AKAP7: variants seen among roughly 807,000 people sequenced by gnomAD.
The protein encoded by AKAP7 is A kinase (PRKA) anchor protein 7.
In AKAP7, 39 loss-of-function variants were observed where a neutral mutation model predicts 39.5. That is an observed-to-expected ratio of 0.99 (90% CI 0.76 to 1.29). The LOEUF is 1.29. Ranked by LOEUF, AKAP7 falls within the 50% of genes most tolerant of loss-of-function variation. The pLI is 0.00. For synonymous variants in AKAP7, 140 were observed against 139.1 expected (o/e 1.01, Z -0.05); for missense variants, 414 against 407.7 (o/e 1.02, Z -0.13).
intron 5 of AKAP7, among the ~76,000 whole-genome samples, chr6:131,170,992 G>A (rs1055722059): frequency 3.3e-5 from 5 of 152,120 alleles, no homozygotes; most frequent in Admixed American, 3.3e-4. Flanking sequence ...CACTATTGCT[G>A]TTATTAGTGA....
chr6:131,264,784 G>T (rs1813646299), intron 7 of AKAP7, among the ~76,000 whole-genome samples: 1 of 152,168 alleles, frequency 6.6e-6, no homozygotes, highest in African/African-American at 2.4e-5. Flanking sequence ...TCTGCTTCTG[G>T]TGAGGGCCTC....
chr6:131,274,886 C>T (rs1470008058), intron 7 of AKAP7, among the ~76,000 whole-genome samples: 3 of 152,034 alleles, frequency 2.0e-5, no homozygotes, highest in African/African-American at 7.3e-5. Context: ...TCCCTGTCGC[C>T]ATGCCTGGAA....
chr6:131,241,626 T>TGTGTGTGTGTGTATAC (rs1562238185), intron 7 of AKAP7, among the ~76,000 whole-genome samples: 1 of 135,652 alleles, frequency 7.4e-6, no homozygotes, highest in Non-Finnish European at 1.5e-5. Flanking sequence ...TGTGTGTGTG[T>TGTGTGTGTGTGTATAC]GTATATATAT....
At chr6:131,178,643 C>T (rs987823366) in intron 5 of AKAP7, among the ~76,000 whole-genome samples, 1 of 152,164 alleles carries the variant, frequency 6.6e-6, no homozygotes, top group Non-Finnish European at 1.5e-5. Context: ...CAGGCTTGGC[C>T]TCTTTCAAGG....
intron 1 of AKAP7, chr6:131,136,910 T>C: frequency 5.1e-6 from 5 of 977,542 alleles, no homozygotes; most frequent in Non-Finnish European, 6.1e-6. Context: ...CCCTTTCCAG[T>C]TGTTCTTAGG....
At chr6:131,198,353 C>T (rs967622442) in intron 5 of AKAP7, among the ~76,000 whole-genome samples, 1 of 152,152 alleles carries the variant, frequency 6.6e-6, no homozygotes, top group African/African-American at 2.4e-5. Flanking sequence ...AGTTAGTTTG[C>T]ACACCTAGTA....
chr6:131,241,637 A>ATATATATATG (rs1554217972), intron 7 of AKAP7, among the ~76,000 whole-genome samples: 1 of 78,786 alleles, frequency 1.3e-5, no homozygotes, highest in Admixed American at 1.3e-4. Context: ...GTATATATAT[A>ATATATATATG]TGACAGTTAT....
intron 7 of AKAP7, among the ~76,000 whole-genome samples, chr6:131,229,439 C>T (rs13207920): frequency 0.14 from 21,525 of 152,054 alleles, 1,874 homozygotes; most frequent in Middle Eastern, 0.28. Context: ...ACCTCCGCCT[C>T]CTGGGTTCAA....
chr6:131,189,834 T>C (rs924484917), intron 5 of AKAP7, among the ~76,000 whole-genome samples: 2 of 152,210 alleles, frequency 1.3e-5, no homozygotes, highest in Admixed American at 6.5e-5. Context: ...AGTTATATTA[T>C]TTAGGAGGCA....
At chr6:131,146,740 T>G (rs1408443583) in intron 2 of AKAP7, among the ~76,000 whole-genome samples, 3 of 152,166 alleles carry the variant, frequency 2.0e-5, no homozygotes, top group African/African-American at 7.2e-5. Context: ...GTCTCTTCAT[T>G]TTGAGAAAAG....
chr6:131,264,329 A>G (rs141332026), intron 7 of AKAP7, among the ~76,000 whole-genome samples: 1 of 152,268 alleles, frequency 6.6e-6, no homozygotes, highest in East Asian at 1.9e-4. Context: ...GTATCACACT[A>G]TTTCTGCTGT....
chr6:131,192,051 C>T (rs772571750), intron 5 of AKAP7, among the ~76,000 whole-genome samples: 25 of 152,114 alleles, frequency 1.6e-4, no homozygotes, highest in Non-Finnish European at 2.8e-4. Flanking sequence ...GCTGGGATTG[C>T]AGATGTGAGC....
intron 7 of AKAP7, among the ~76,000 whole-genome samples, chr6:131,235,320 G>C (rs1402412274): frequency 2.0e-5 from 3 of 152,268 alleles, no homozygotes; most frequent in African/African-American, 7.2e-5. Flanking sequence ...TTGGACATTT[G>C]GGTTGGTTCC....
At position 131,257,217 on chromosome 6, in the gene AKAP7, C is replaced by T. The variant is rs116246387; in HGVS notation, c.851-24313C>T. 3.3e-4 allele frequency among the ~76,000 whole-genome samples: 50 copies of T among 151,800 alleles called. No individual in the cohort carries two copies. The South Asian group carries it at 5.0e-3, about 15-fold the overall frequency. On this transcript the variant is annotated intron_variant, in intron 7 of 7. Coordinates refer to ENST00000431975, the MANE Select transcript of AKAP7 (RefSeq NM_016377.4). Reference sequence around the variant, plus strand: ...GCAAATAGTGTGTTAATTGCATAGCCGCAGTAAGAAGTCAGCTTGAGCTTG... The same window carrying T: ...GCAAATAGTGTGTTAATTGCATAGCTGCAGTAAGAAGTCAGCTTGAGCTTG...
chr6:131,239,311 C>A (rs1811333650), intron 7 of AKAP7, among the ~76,000 whole-genome samples: 1 of 152,184 alleles, frequency 6.6e-6, no homozygotes, highest in African/African-American at 2.4e-5. Flanking sequence ...TTGTGGGTAA[C>A]CCAACCTTTC....
intron 7 of AKAP7, among the ~76,000 whole-genome samples, chr6:131,278,533 T>C (rs1269628922): frequency 6.6e-6 from 1 of 151,996 alleles, no homozygotes; most frequent in African/African-American, 2.4e-5. Flanking sequence ...AGAAAAGAGG[T>C]TTAGTTGGCT....
At chr6:131,132,467 T>C (rs1800349800), upstream of AKAP7, among the ~76,000 whole-genome samples, 1 of 152,170 alleles carries the variant, frequency 6.6e-6, no homozygotes, top group Non-Finnish European at 1.5e-5. Context: ...CCTCCGTATG[T>C]TCTGCCCATT....
chr6:131,201,848 G>A (rs2128283169), intron 6 of AKAP7, among the ~76,000 whole-genome samples: 1 of 152,212 alleles, frequency 6.6e-6, no homozygotes, highest in East Asian at 1.9e-4. Flanking sequence ...ATTAAATAGG[G>A]AATCGTTTCC....
chr6:131,155,047 G>T (rs1400129150), intron 2 of AKAP7, among the ~76,000 whole-genome samples: 4 of 151,706 alleles, frequency 2.6e-5, no homozygotes, highest in Non-Finnish European at 4.4e-5. Context: ...TGAGAGACAG[G>T]GCCTCACCCT....
Sources: gnomAD v4.1 joint callset for allele counts (sites outside exome capture counted in the v4.1 genomes callset) on GRCh38, gnomAD v4.1.1 for gene constraint, MANE v1.5 for transcripts, NCBI Gene and HGNC (gene_info 2026-07-23, HGNC 2026-07-21) for gene names.